The following LNPEP variants were observed in gnomAD, a reference collection of about 807,000 sequenced individuals.
The protein encoded by LNPEP is leucyl-cystinyl aminopeptidase.
LNPEP carries 64 observed loss-of-function variants against 120.6 expected under a neutral mutation model. That is an observed-to-expected ratio of 0.53 (90% CI 0.43 to 0.65). LNPEP has a LOEUF of 0.65. LNPEP is among the 30% of genes least tolerant of loss of function. The pLI is 0.00. For synonymous variants in LNPEP, 435 were observed against 425.4 expected, an observed-to-expected ratio of 1.02 and a Z score of -0.28; for missense variants, 1,057 against 1,200.0, an observed-to-expected ratio of 0.88 and a Z score of 1.76.
chr5:97,020,942 G>A (rs531355257), intron 13 of LNPEP, among the ~76,000 whole-genome samples: 1 of 152,154 alleles, frequency 6.6e-6, no homozygotes, highest in South Asian at 2.1e-4. Flanking sequence ...TGCACAACTT[G>A]CAGAATGGAA....
At chr5:96,977,400 G>A (rs1295967338) in intron 1 of LNPEP, among the ~76,000 whole-genome samples, 2 of 152,100 alleles carry the variant, frequency 1.3e-5, no homozygotes, top group African/African-American at 2.4e-5. Context: ...TAGCTGCCTG[G>A]CCTGTGCTCA....
At chr5:97,007,890 T>C (rs191597070) in intron 11 of LNPEP, among the ~76,000 whole-genome samples, 1 of 152,358 alleles carries the variant, frequency 6.6e-6, no homozygotes, top group East Asian at 1.9e-4. Flanking sequence ...ATCGCCCTTT[T>C]TATTGTGTAG....
chr5:97,014,664 A>G (rs1791018426), intron 12 of LNPEP, among the ~76,000 whole-genome samples: 1 of 152,324 alleles, frequency 6.6e-6, no homozygotes, highest in East Asian at 1.9e-4. Flanking sequence ...CCAAGATATT[A>G]TACTTTTGCT....
intron 1 of LNPEP, among the ~76,000 whole-genome samples, chr5:96,951,321 C>G (rs56071818): frequency 0.037 from 5,692 of 151,982 alleles, 183 homozygotes; most frequent in Middle Eastern, 0.11. Context: ...TGCAGTGGCG[C>G]GATCTCAGCT....
Position 97,032,908 on chromosome 5 carries a change from G to A in LNPEP, c.*4375G>A, listed in dbSNP as rs1375077123. ...GGTTGTATATTATTCTTTCAAGTGT[G>A]TATAAATATTGTGCCACCTTTTTAT... On this transcript the variant is annotated 3_prime_UTR_variant, in exon 18 of 18. Transcript: ENST00000231368. 2 of 152,136 alleles carry A rather than the reference G, an allele frequency of 1.3e-5. No individual in the cohort carries two copies. Among genetic ancestry groups the A allele is most frequent in the African/African-American group, 4.8e-5 (2 of 41,428 alleles). The allele number at this position is 152,136 out of a possible 1,614,324, so 9.4% of individuals were successfully genotyped here.
chr5:97,020,734 A>G (rs1419120740), intron 13 of LNPEP, among the ~76,000 whole-genome samples: 3 of 152,144 alleles, frequency 2.0e-5, no homozygotes, highest in African/African-American at 7.2e-5. Context: ...CCTGGGAGGC[A>G]GAGCTTGCAG....
At chr5:97,008,235 A>T (rs73139238) in intron 11 of LNPEP, among the ~76,000 whole-genome samples, 3,753 of 151,740 alleles carry the variant, frequency 0.025, 156 homozygotes, top group African/African-American at 0.086. Context: ...TTCTGATAGT[A>T]TATTAATTTT....
intron 11 of LNPEP, chr5:97,010,987 T>A: frequency 1.0e-6 from 1 of 983,816 alleles, no homozygotes; most frequent in Non-Finnish European, 1.2e-6. Context: ...TTGTGTCATC[T>A]CGATGACAGT....
intron 1 of LNPEP, among the ~76,000 whole-genome samples, chr5:96,960,794 A>G (rs942470740): frequency 7.9e-6 from 1 of 125,798 alleles, no homozygotes; most frequent in East Asian, 2.2e-4. Context: ...TAAGAATCAA[A>G]TAGTGCTATA....
rs567620325 is a variant in LNPEP, at chr5:96,970,298, A to G, written c.20-8840A>G. Among the ~76,000 whole-genome samples, 617 of 152,104 alleles carry G rather than the reference A, an allele frequency of 4.1e-3. 5 individuals are homozygous for G. The highest frequency in any genetic ancestry group is 0.014 in the African/African-American group (594 of 41,544). ...GGTTGTGGATGTTTTTGTTTGTTCT[A>G]TTCTTCATAAAAAACTTCTTTTTGA... is the stretch of plus-strand genomic sequence containing the variant. On this transcript the variant is annotated intron_variant, in intron 1 of 17. Coordinates refer to ENST00000231368, the MANE Select transcript of LNPEP (RefSeq NM_005575.3).
rs78750342 is a variant in LNPEP, at chr5:96,997,010, C to T, written c.1521+507C>T. ...AATTTGCCCTTTTTAAGGTACAAAC[C>T]ACATTTTATGCCTTTTTCCAAAGAC... On this transcript the variant is annotated intron_variant, in intron 7 of 17. Transcript: ENST00000231368. Among the ~76,000 whole-genome samples, 1,444 of 151,888 alleles carry T rather than the reference C, an allele frequency of 9.5e-3. 25 individuals carry two copies. Among genetic ancestry groups the T allele is most frequent in the African/African-American group, 0.032 (1,334 of 41,428 alleles).
intron 16 of LNPEP, among the ~76,000 whole-genome samples, chr5:97,027,397 A>G (rs17087236): frequency 1.2e-4 from 18 of 151,980 alleles, no homozygotes; most frequent in African/African-American, 4.1e-4. Context: ...TTGCCAAGGC[A>G]TCAGTTAAGA....
intron 8 of LNPEP, among the ~76,000 whole-genome samples, chr5:97,001,947 C>T (rs879394602): frequency 6.6e-6 from 1 of 152,104 alleles, no homozygotes; most frequent in Non-Finnish European, 1.5e-5. Context: ...CAAGAACAGT[C>T]TGTCCAACAT....
chr5:96,963,877 T>C (rs75876237), intron 1 of LNPEP, among the ~76,000 whole-genome samples: 2 of 152,190 alleles, frequency 1.3e-5, no homozygotes, highest in South Asian at 4.1e-4. Flanking sequence ...CATGCATTTA[T>C]CATTTGCTTG....
chr5:96,966,150 T>C (rs1789718825), intron 1 of LNPEP, among the ~76,000 whole-genome samples: 1 of 152,096 alleles, frequency 6.6e-6, no homozygotes, highest in Non-Finnish European at 1.5e-5. Context: ...TATAGGACTA[T>C]AGAACTGCAC....
chr5:96,987,822 T>G (rs962793172), intron 4 of LNPEP, among the ~76,000 whole-genome samples: 1 of 152,222 alleles, frequency 6.6e-6, no homozygotes, highest in African/African-American at 2.4e-5. Context: ...CTGAAATAAT[T>G]CAATTAATTC....
chr5:96,972,236 A>G (rs145420293), intron 1 of LNPEP, among the ~76,000 whole-genome samples: 2 of 152,032 alleles, frequency 1.3e-5, no homozygotes, highest in African/African-American at 4.8e-5. Context: ...ATCCTTAAAT[A>G]CTTTTTCCCC....
Position 96,985,187 on chromosome 5 carries a change from A to G in LNPEP, c.968A>G (p.Glu323Gly), listed in dbSNP as rs1790213010. ...TTTATCATCAAGATCATAAGGGATG[A>G]GCAATACACCGCTTTATCAAATATG... Reference protein sequence around the residue: ...ATFIIKIIRDEQYTALSNMPK... With the variant: ...ATFIIKIIRDGQYTALSNMPK... Residue 323 changes from glutamate (E) to glycine (G), a missense_variant, in exon 3 of 18, where the codon GAG (glutamate) becomes GGG (glycine). Glu to Gly is a moderately conservative substitution (Grantham distance 98). Transcript: ENST00000231368. 6.2e-7 allele frequency: 1 copy of G among 1,613,756 alleles called. No individual in the cohort carries two copies. The highest frequency in any genetic ancestry group is 8.5e-7 in the Non-Finnish European group (1 of 1,179,816).
intron 1 of LNPEP, among the ~76,000 whole-genome samples, chr5:96,947,542 G>A (rs1016384792): frequency 2.0e-5 from 3 of 152,090 alleles, no homozygotes; most frequent in Admixed American, 1.3e-4. Flanking sequence ...AGTTCATGGA[G>A]TATTGTATTG....
Sources: gnomAD v4.1 joint callset for allele counts (sites outside exome capture counted in the v4.1 genomes callset) on GRCh38, gnomAD v4.1.1 for gene constraint, MANE v1.5 for transcripts, NCBI Gene and HGNC (gene_info 2026-07-23, HGNC 2026-07-21) for gene names.